FDPS: variants seen among roughly 807,000 people sequenced by gnomAD.
The protein encoded by FDPS is farnesyl pyrophosphate synthase.
FDPS carries 29 observed loss-of-function variants against 49.5 expected under a neutral mutation model. The ratio of observed to expected loss-of-function variants is 0.59; its 90% CI spans 0.44 to 0.80. The LOEUF (loss-of-function observed/expected upper bound fraction) is 0.80, where lower values mean the gene tolerates loss of function less well. Ranked by LOEUF, FDPS falls within the 30% of genes least tolerant of loss-of-function variation. The pLI is 0.00. For synonymous variants in FDPS, 172 were observed against 206.4 expected, an observed-to-expected ratio of 0.83 and a Z score of 1.43; for missense variants, 414 against 525.6, an observed-to-expected ratio of 0.79 and a Z score of 2.08.
rs187176543 is a variant in FDPS, at chr1:155,310,194, C to G, written c.328C>G (p.Arg110Gly). Residue 110 changes from arginine (R) to glycine (G), a missense_variant, in exon 3 of 11, where the codon CGG becomes GGG. By Grantham distance (125) the Arg-to-Gly change is moderately radical. Coordinates refer to ENST00000368356, the MANE Select transcript of FDPS (RefSeq NM_002004.4). ...GHPEIGDAIARLKEVLEYNAI... is the reference protein window; with the variant it reads ...GHPEIGDAIAGLKEVLEYNAI... ...CCCAGAGATAGGAGATGCTATTGCC[C>G]GGCTCAAGGAGGTGAGGGATTCATG... 7.4e-6 allele frequency: 12 copies of G among 1,613,784 alleles called. No individual in the cohort carries two copies. The Admixed American group carries it at 2.0e-4, about 27-fold the overall frequency.
chr1:155,318,757 AG>A lies in FDPS; in HGVS notation c.773+8del, dbSNP rs780357099. 5.9e-5 allele frequency: 95 copies of A among 1,609,052 alleles called. 2 individuals carry two copies. In the South Asian group the frequency reaches 7.9e-4, roughly 13 times the overall value. On this transcript the variant is annotated splice_donor_5th_base_variant and intron_variant, in intron 7 of 10. Coordinates refer to ENST00000368356, the MANE Select transcript of FDPS (RefSeq NM_002004.4). The surrounding 1 kb of genome is among the most constrained non-coding windows in gnomAD (Gnocchi z 4.2). ...TTGTCAGATTCACTGAAAAGAGGTG[AG>A]GGGAGGTGAGGGACAGCGCGAACCA...
chr1:155,313,714 A>C (rs1323288068), intron 4 of FDPS, among the ~76,000 whole-genome samples: 3 of 152,054 alleles, frequency 2.0e-5, no homozygotes, highest in African/African-American at 7.2e-5. Flanking sequence ...TATGGAGATG[A>C]CAGGCAAGGA....
chr1:155,310,999 G>A (rs1648740966), intron 3 of FDPS, among the ~76,000 whole-genome samples: 1 of 151,974 alleles, frequency 6.6e-6, no homozygotes, highest in African/African-American at 2.4e-5. Flanking sequence ...ATATATCTCA[G>A]GGGAATGAAG....
chr1:155,309,646 C>T, intron 1 of FDPS, 143 bp from the exon 2 acceptor site: 1 of 692,522 alleles, frequency 1.4e-6, no homozygotes, highest in Non-Finnish European at 2.3e-6. Context: ...CTGTAATTGT[C>T]CCCAAGCACA....
At chr1:155,319,753 C>T (rs916011914) in intron 9 of FDPS, 41 bp from the exon 10 acceptor site, 19 of 1,614,036 alleles carry the variant, frequency 1.2e-5, no homozygotes, top group Admixed American at 1.7e-5. Flanking sequence ...GCCCAGGAAC[C>T]TCATCCTTCC....
chr1:155,312,176 A>G, intron 3 of FDPS, 79 bp from the exon 4 acceptor site: 1 of 1,542,030 alleles, frequency 6.5e-7, no homozygotes, highest in Non-Finnish European at 8.9e-7. Context: ...GTGGTTGGAA[A>G]TGGGAGAGAG....
intron 1 of FDPS, chr1:155,309,583 T>G: frequency 2.0e-6 from 1 of 492,730 alleles, no homozygotes; most frequent in Non-Finnish European, 3.6e-6. Context: ...TAAGTGGTGA[T>G]TAGTTGGGTC....
chr1:155,318,298 T>C lies in FDPS; in HGVS notation c.684+7T>C, dbSNP rs1488036633. On this transcript the variant is annotated splice_region_variant and intron_variant, in intron 6 of 10. Transcript: ENST00000368356. The surrounding 1 kb of genome is among the most constrained non-coding windows in gnomAD (Gnocchi z 4.2). The stretch of plus-strand genomic sequence containing the variant: ...GATCGAGCTCTTCCTGCAGGTGTAT[T>C]GCAGACAGGGCCCGATGCCCAGAGG... The C allele has an allele frequency of 6.2e-7, 1 of 1,609,876 alleles. No homozygotes were observed. The highest frequency in any genetic ancestry group is 1.7e-5 in the Admixed American group (1 of 60,020).
intron 2 of FDPS, 31 bp from the exon 3 acceptor site, chr1:155,310,012 C>G: frequency 6.2e-7 from 1 of 1,611,970 alleles, no homozygotes. Flanking sequence ...AGCAGCTGAT[C>G]AGGTTTCTGA....
intron 4 of FDPS, among the ~76,000 whole-genome samples, chr1:155,315,139 C>T (rs995462183): frequency 2.0e-5 from 3 of 152,244 alleles, no homozygotes; most frequent in East Asian, 1.9e-4. Context: ...GTGATTGCAA[C>T]GGTCCTTTCC....
In FDPS at chr1:155,318,628, G is replaced by A; in HGVS notation, c.685-37G>A. 14 of 1,502,194 alleles carry A rather than the reference G, an allele frequency of 9.3e-6. No homozygotes were observed. The highest frequency in any genetic ancestry group is 1.0e-5 in the Non-Finnish European group (11 of 1,078,160). The allele number at this position is 1,502,194 out of a possible 1,614,324, so 93.1% of individuals were successfully genotyped here. A position where few individuals can be genotyped will look rare whatever the true frequency, so the allele number is the denominator to read the frequency against. On this transcript the variant is annotated intron_variant, in intron 6 of 10. Coordinates refer to ENST00000368356, the MANE Select transcript of FDPS (RefSeq NM_002004.4). The surrounding 1 kb of genome is among the most constrained non-coding windows in gnomAD (Gnocchi z 4.2). ...GATACCAGGGTTTCGCATATCTGGA[G>A]AAAGCCTGGCTCATGGACCGTCTTT...
chr1:155,318,200 C>A lies in FDPS; in HGVS notation c.593C>A (p.Ala198Asp). 6.2e-7 allele frequency: 1 copy of A among 1,614,086 alleles called. No individual in the cohort carries two copies. Among genetic ancestry groups the A allele is most frequent in the East Asian group, 2.2e-5 (1 of 44,882 alleles). Residue 198 changes from alanine (A) to aspartate (D), a missense_variant, in exon 6 of 11, where the codon GCT becomes GAT. By Grantham distance (126) the Ala-to-Asp change is moderately radical. Coordinates refer to ENST00000368356, the MANE Select transcript of FDPS (RefSeq NM_002004.4). The surrounding 1 kb of genome is among the most constrained non-coding windows in gnomAD (Gnocchi z 4.2). ...GTGGGTTTGGATGCCATCAATGATG[C>A]TAACCTCCTGGAAGCATGTATCTAC... ...PGVGLDAINDANLLEACIYRL... is the reference protein window; with the variant it reads ...PGVGLDAINDDNLLEACIYRL...
chr1:155,319,564 T>C, intron 8 of FDPS, 47 bp from the exon 9 acceptor site: 2 of 1,602,178 alleles, frequency 1.2e-6, no homozygotes, highest in Non-Finnish European at 1.7e-6. Flanking sequence ...GCCAGGAAGA[T>C]GCCGGCACCC....
rs1192765970 is a variant in FDPS at position 155,318,571 on chromosome 1, A to G, written c.685-94A>G. 1.9e-6 allele frequency: 2 copies of G among 1,026,358 alleles called. No individual in the cohort carries two copies. Among genetic ancestry groups the G allele is most frequent in the African/African-American group, 3.2e-5 (2 of 62,788 alleles). The allele number at this position is 1,026,358 out of a possible 1,614,324, so 63.6% of individuals were successfully genotyped here. On this transcript the variant is annotated intron_variant, in intron 6 of 10. Transcript: ENST00000368356. The surrounding 1 kb of genome is among the most constrained non-coding windows in gnomAD (Gnocchi z 4.2). ...TTCTGTTGCCTTTCTGATTCTGCCCAGTTGTCAGCTGGTATGGGATGTTGG... is the reference window on the plus strand; with the variant it reads ...TTCTGTTGCCTTTCTGATTCTGCCCGGTTGTCAGCTGGTATGGGATGTTGG...
Position 155,309,839 on chromosome 1 carries a change from C to G in FDPS, c.50C>G (p.Ala17Gly). 2 of 1,580,474 alleles carry G rather than the reference C, an allele frequency of 1.3e-6. No individual in the cohort carries two copies. Among genetic ancestry groups the G allele is most frequent in the South Asian group, 2.3e-5 (2 of 87,686 alleles). ...LRSVGVFLLP[A>G]PYWAPRERWL... ...TCTGTGGGGGTCTTCCTGCTGCCAG[C>G]CCCCTACTGGGCACCCCGGGAGAGG... The change falls in exon 2 of 11, where the codon GCC (alanine) becomes GGC (glycine). Residue 17 changes from alanine (A) to glycine (G), a missense_variant. Physicochemically the swap from Ala to Gly is moderately conservative, Grantham distance 60. Transcript: ENST00000368356.
intron 4 of FDPS, 77 bp from the exon 5 acceptor site, chr1:155,317,864 A>T (rs1334022737): frequency 3.8e-6 from 5 of 1,315,750 alleles, no homozygotes; most frequent in Non-Finnish European, 5.4e-6. Flanking sequence ...CTATATACAG[A>T]TATAAAGTAG....
chr1:155,311,999 T>G (rs1057395306), intron 3 of FDPS, among the ~76,000 whole-genome samples: 1 of 151,730 alleles, frequency 6.6e-6, no homozygotes, highest in Admixed American at 6.6e-5. Flanking sequence ...AATAAATAAA[T>G]AAAAACAAAA....
chr1:155,312,431 G>A, intron 4 of FDPS, 36 bp downstream of exon 4: 1 of 1,602,140 alleles, frequency 6.2e-7, no homozygotes, highest in Non-Finnish European at 8.5e-7. Context: ...GAAGTTTCCT[G>A]CAATGGTGGT....
chr1:155,319,915 A>T lies in FDPS; in HGVS notation c.1046A>T (p.Tyr349Phe), dbSNP rs770398620. Residue 349 changes from tyrosine to phenylalanine, a missense_variant, in exon 10 of 11, where the codon TAC becomes TTC. Tyr to Phe is a conservative substitution (Grantham distance 22). Transcript: ENST00000368356. ...QCLQRATPEQ[Y>F]QILKENYGQK... ...CTGCAACGGGCCACTCCAGAACAGT[A>T]CCAGATCCTGAAGGTGCCTGAGAGA... 5.0e-6 allele frequency: 8 copies of T among 1,613,966 alleles called. No individual in the cohort carries two copies. The South Asian group carries it at 8.8e-5, about 18-fold the overall frequency.
Sources: gnomAD v4.1 joint callset for allele counts (sites outside exome capture counted in the v4.1 genomes callset) on GRCh38, gnomAD v4.1.1 for gene constraint, Gnocchi (gnomAD v3.1) non-coding constraint, MANE v1.5 for transcripts, NCBI Gene and HGNC (gene_info 2026-07-23, HGNC 2026-07-21) for gene names.